TYRO3: variants seen among roughly 807,000 people sequenced by gnomAD.
TYRO3 encodes the protein tyrosine-protein kinase receptor TYRO3.
In TYRO3, 38 loss-of-function variants were observed where a neutral mutation model predicts 95.2. The observed-to-expected ratio is 0.40, with a 90% CI of 0.31 to 0.52. The LOEUF is 0.52. TYRO3 is among the 20% of genes least tolerant of loss of function. The probability of loss-of-function intolerance (pLI) is 0.56; values close to 1 mark genes in which losing one functional copy is unlikely to be tolerated. For missense variants in TYRO3, 812 were observed against 1,116.4 expected (o/e 0.73, Z 3.89); for synonymous variants, 367 against 432.9 (o/e 0.85, Z 1.89).
chr15:41,571,175 C>T, intron 13 of TYRO3, 57 bp downstream of exon 13: 1 of 1,544,776 alleles, frequency 6.5e-7, no homozygotes, highest in Non-Finnish European at 8.9e-7. Flanking sequence ...AGAGGGGCGA[C>T]TGACCCTGAA....
In TYRO3 at chr15:41,570,687, A is replaced by G. The variant is rs1224698367; in HGVS notation, c.1567A>G (p.Met523Val). The change falls in exon 12 of 19, where the codon ATG becomes GTG. Residue 523 changes from methionine (M) to valine (V), a missense_variant. Coordinates refer to ENST00000263798, the MANE Select transcript of TYRO3 (RefSeq NM_006293.4). ...IPEQQFTLGR[M>V]LGKGEFGSVR... ...AGAGCAGCAGTTCACCCTGGGCCGG[A>G]TGTTGGGCAAAGGTATGTGAGGCTG... The G allele has an allele frequency of 6.2e-7, 1 of 1,614,142 alleles. No homozygotes were observed. Among genetic ancestry groups the G allele is most frequent in the Non-Finnish European group, 8.5e-7 (1 of 1,180,034 alleles).
intron 5 of TYRO3, chr15:41,564,710 C>T: frequency 2.5e-6 from 1 of 392,794 alleles, no homozygotes; most frequent in Non-Finnish European, 4.8e-6. Flanking sequence ...GGGGCAGCTG[C>T]CTGTCTCTCC....
At chr15:41,565,962 G>C in intron 6 of TYRO3, among the ~76,000 whole-genome samples, 1 of 152,106 alleles carries the variant, frequency 6.6e-6, no homozygotes, top group Non-Finnish European at 1.5e-5. Flanking sequence ...TTTCAAAACT[G>C]TTCTGGGCAG....
chr15:41,559,459 C>T (rs998122880), intron 1 of TYRO3, 78 bp downstream of exon 1: 3 of 263,252 alleles, frequency 1.1e-5, no homozygotes, highest in South Asian at 1.6e-4. Context: ...CCGGGGCGGG[C>T]CTGGCGGGCT....
rs111274842 is a variant in TYRO3 at position 41,569,648 on chromosome 15, T to A, written c.1253-379T>A. ...CAGGTGTGATGTTGCACACCTGTAGTCCCAGCTACTTGGGAGGCTGAAGTG... is the reference window on the plus strand; with the variant it reads ...CAGGTGTGATGTTGCACACCTGTAGACCCAGCTACTTGGGAGGCTGAAGTG... On this transcript the variant is annotated intron_variant, in intron 9 of 18. Coordinates refer to ENST00000263798, the MANE Select transcript of TYRO3 (RefSeq NM_006293.4). Among the ~76,000 whole-genome samples the A allele has an allele frequency of 5.4e-3, 793 of 146,696 alleles. 8 individuals carry two copies. The highest frequency in any genetic ancestry group is 0.019 in the African/African-American group (762 of 39,380).
chr15:41,560,880 G>T (rs1007557468), intron 1 of TYRO3, among the ~76,000 whole-genome samples: 10 of 151,932 alleles, frequency 6.6e-5, no homozygotes, highest in Non-Finnish European at 1.3e-4. Flanking sequence ...TGCTGTCTGG[G>T]CTCAGAAGGA....
intron 1 of TYRO3, among the ~76,000 whole-genome samples, chr15:41,560,296 G>A (rs146197070): frequency 1.9e-4 from 29 of 152,208 alleles, no homozygotes; most frequent in African/African-American, 7.0e-4. Context: ...CACAGCAAAG[G>A]GTGAGAAGAA....
chr15:41,564,794 G>T, intron 5 of TYRO3: 1 of 527,688 alleles, frequency 1.9e-6, no homozygotes, highest in East Asian at 3.2e-5. Flanking sequence ...CAGGGCCTTC[G>T]TGGCAGGGAG....
At chr15:41,570,453 C>T in intron 11 of TYRO3, 113 bp downstream of exon 11, 3 of 1,361,362 alleles carry the variant, frequency 2.2e-6, no homozygotes, top group Admixed American at 1.9e-5. Flanking sequence ...GAGCCCCAGG[C>T]ACACAAATCT....
At chr15:41,574,768 G>A in intron 18 of TYRO3, 2 of 454,060 alleles carry the variant, frequency 4.4e-6, no homozygotes, top group South Asian at 1.6e-5. Flanking sequence ...CACCCAGGCT[G>A]GAGTGCAGTG....
chr15:41,561,404 C>A, intron 2 of TYRO3, 94 bp downstream of exon 2: 5 of 1,493,434 alleles, frequency 3.3e-6, no homozygotes, highest in Admixed American at 2.0e-5. Flanking sequence ...CTCCTGATGC[C>A]CAGAGGTCTG....
chr15:41,573,928 T>A, intron 18 of TYRO3, 113 bp downstream of exon 18: 1 of 1,114,164 alleles, frequency 9.0e-7, no homozygotes, highest in Non-Finnish European at 1.3e-6. Context: ...GAAACATCCT[T>A]GTAGTTGGAA....
At position 41,570,904 on chromosome 15, in the gene TYRO3, G is replaced by C; in HGVS notation, c.1580-134G>C. On this transcript the variant is annotated intron_variant, in intron 12 of 18. Coordinates refer to ENST00000263798, the MANE Select transcript of TYRO3 (RefSeq NM_006293.4). ...GCTGCTCCCAGCATGCTCTTGCTTTGGCTACTGGCAAGGGTGCCTTCTCCA... is the reference window on the plus strand; with the variant it reads ...GCTGCTCCCAGCATGCTCTTGCTTTCGCTACTGGCAAGGGTGCCTTCTCCA... 3.9e-6 allele frequency: 4 copies of C among 1,033,454 alleles called. No individual in the cohort carries two copies. In the South Asian group the frequency reaches 5.7e-5, roughly 15 times the overall value. 64.0% of individuals were successfully genotyped at this position (1,033,454 alleles called of 1,614,324 possible). A position where few individuals can be genotyped will look rare whatever the true frequency, so the allele number is the denominator to read the frequency against.
intron 5 of TYRO3, among the ~76,000 whole-genome samples, chr15:41,564,621 G>A (rs896320563): frequency 7.9e-5 from 12 of 152,124 alleles, no homozygotes; most frequent in South Asian, 2.1e-4. Flanking sequence ...GCCTAGTACC[G>A]GATGGAGGAG....
At chr15:41,564,379 G>T in intron 5 of TYRO3, 109 bp downstream of exon 5, 1 of 1,096,844 alleles carries the variant, frequency 9.1e-7, no homozygotes. Flanking sequence ...GGTCCTGCTG[G>T]GATCTAGGGA....
At position 41,578,086 on chromosome 15, in the gene TYRO3, A is replaced by G; in HGVS notation, c.2483A>G (p.Tyr828Cys). 1 of 1,614,036 alleles carries G rather than the reference A, an allele frequency of 6.2e-7. No homozygotes were observed. Among genetic ancestry groups the G allele is most frequent in the Non-Finnish European group, 8.5e-7 (1 of 1,180,016 alleles). The change falls in exon 19 of 19, where the codon TAC becomes TGC. Residue 828 changes from tyrosine (Y) to cysteine (C), a missense_variant. By Grantham distance (194) the Tyr-to-Cys change is radical (BLOSUM62 -2). Transcript: ENST00000263798. ...GAGCTACCTGGCAGGGATCAGCCCT[A>G]CAGTGGGGCTGGGGATGGCAGTGGC... ...SLELPGRDQPYSGAGDGSGMG... is the reference protein window; with the variant it reads ...SLELPGRDQPCSGAGDGSGMG...
chr15:41,573,245 C>T, intron 16 of TYRO3, 63 bp from the exon 17 acceptor site: 2 of 1,604,802 alleles, frequency 1.2e-6, no homozygotes, highest in Non-Finnish European at 1.7e-6. Context: ...CAAAGATGTC[C>T]TGGCTCTTGT....
chr15:41,573,505 T>C, intron 17 of TYRO3, 38 bp downstream of exon 17: 1 of 1,457,876 alleles, frequency 6.9e-7, no homozygotes, highest in Non-Finnish European at 9.3e-7. Context: ...TGGGGACGAG[T>C]GTGAGAGCAG....
chr15:41,578,586 G>A lies in TYRO3; in HGVS notation c.*310G>A, dbSNP rs1005705205. 1.8e-4 allele frequency: 78 copies of A among 442,036 alleles called. No homozygotes were observed. The highest frequency in any genetic ancestry group is 1.5e-3 in the African/African-American group (75 of 49,742). The allele number at this position is 442,036 out of a possible 1,614,324, so 27.4% of individuals were successfully genotyped here. On this transcript the variant is annotated 3_prime_UTR_variant, in exon 19 of 19. Transcript: ENST00000263798. Reference sequence around the variant, plus strand: ...TTCCATGGTTACCATGGGTGTGGATGGCAGTGTGGGGAGGGCAGGTCCAGC... The same window carrying A: ...TTCCATGGTTACCATGGGTGTGGATAGCAGTGTGGGGAGGGCAGGTCCAGC...
Sources: allele counts gnomAD v4.1 joint callset (sites outside exome capture counted in the v4.1 genomes callset), GRCh38; gene constraint gnomAD v4.1.1; transcripts MANE v1.5; gene names NCBI Gene and HGNC (gene_info 2026-07-23, HGNC 2026-07-21).